The following IL1RAPL2 variants were observed in gnomAD, a reference collection of about 807,000 sequenced individuals.
The protein encoded by IL1RAPL2 is X-linked interleukin-1 receptor accessory protein-like 2.
A neutral mutation model predicts 44.1 loss-of-function variants in IL1RAPL2; 3 were observed. The observed-to-expected ratio is 0.07, with a 90% CI of 0.03 to 0.18. IL1RAPL2 has a LOEUF of 0.18. IL1RAPL2 is among the 10% of genes least tolerant of loss of function. IL1RAPL2 has a pLI of 1.00. For missense variants in IL1RAPL2, 391 were observed against 496.4 expected (o/e 0.79, Z 2.02); for synonymous variants, 181 against 178.8 (o/e 1.01, Z -0.10).
chrX:105,424,579 A>G (rs769591010), intron 5 of IL1RAPL2, among the ~76,000 whole-genome samples: 60 of 109,061 alleles, frequency 5.5e-4, no homozygotes, highest in Admixed American at 1.1e-3. Flanking sequence ...GAGGACGTAC[A>G]TTGAATCTGG....
intron 2 of IL1RAPL2, among the ~76,000 whole-genome samples, chrX:104,744,759 TTATC>T (rs2147579974): frequency 9.0e-6 from 1 of 111,324 alleles, no homozygotes; most frequent in East Asian, 2.8e-4. Context: ...TTTGATTTCT[TTATC>T]TAGATTTTAT....
chrX:105,402,709 C>T (rs2035614856), intron 5 of IL1RAPL2, among the ~76,000 whole-genome samples: 1 of 111,192 alleles, frequency 9.0e-6, no homozygotes. Flanking sequence ...CATTAGGGTG[C>T]GTTAAAAATA....
chrX:105,551,311 CA>C (rs955958948), intron 6 of IL1RAPL2, among the ~76,000 whole-genome samples: 3 of 104,330 alleles, frequency 2.9e-5, no homozygotes, highest in African/African-American at 6.9e-5. Flanking sequence ...ACAACAACAA[CA>C]AAAAAAACAC....
At chrX:104,631,561 GT>G (rs1423589749) in intron 1 of IL1RAPL2, among the ~76,000 whole-genome samples, 67 of 111,729 alleles carry the variant, frequency 6.0e-4, no homozygotes, top group African/African-American at 2.1e-3. Flanking sequence ...TCTCATTGTG[GT>G]TTTGATTTAC....
intron 6 of IL1RAPL2, among the ~76,000 whole-genome samples, chrX:105,540,789 A>G (rs55830405): frequency 3.2e-5 from 2 of 61,769 alleles, no homozygotes; most frequent in African/African-American, 6.1e-5. Context: ...ATATATATAT[A>G]ATATAAATAT....
intron 5 of IL1RAPL2, among the ~76,000 whole-genome samples, chrX:105,340,871 G>T (rs1172287147): frequency 8.9e-6 from 1 of 111,838 alleles, no homozygotes; most frequent in African/African-American, 3.2e-5. Flanking sequence ...ACTGTTTATT[G>T]TCTGTCTTCC....
At chrX:104,841,644 A>G (rs1317337266) in intron 2 of IL1RAPL2, among the ~76,000 whole-genome samples, 8 of 111,334 alleles carry the variant, frequency 7.2e-5, no homozygotes, top group Non-Finnish European at 1.5e-4. Flanking sequence ...TCCTTCCCTT[A>G]TGAAGCTTAG....
In IL1RAPL2 at chrX:104,624,680, T is replaced by C. The variant is rs775741751; in HGVS notation, c.-19-34215T>C. Among the ~76,000 whole-genome samples, 3 of 112,129 alleles carry C rather than the reference T, an allele frequency of 2.7e-5. No individual in the cohort carries two copies. In the East Asian group the frequency reaches 8.4e-4, roughly 31 times the overall value. On this transcript the variant is annotated intron_variant, in intron 1 of 10. Transcript: ENST00000372582. Reference sequence around the variant, plus strand: ...TTCCAGAATTTATCTTACAAAAATATTTGTGTATGAACATTACATATACAT... The same window carrying C: ...TTCCAGAATTTATCTTACAAAAATACTTGTGTATGAACATTACATATACAT...
At position 105,467,542 on chromosome X, in the gene IL1RAPL2, G is replaced by A. The variant is rs750441508; in HGVS notation, c.698-16771G>A. Reference sequence around the variant, plus strand: ...TGCTTATAGTTGTTCAAACATACACGTATTGATTCTCTCAAGCAAAAAGAA... The same window carrying A: ...TGCTTATAGTTGTTCAAACATACACATATTGATTCTCTCAAGCAAAAAGAA... On this transcript the variant is annotated intron_variant, in intron 5 of 10. Coordinates refer to ENST00000372582, the MANE Select transcript of IL1RAPL2 (RefSeq NM_017416.2). Among the ~76,000 whole-genome samples the A allele has an allele frequency of 8.1e-5, 9 of 111,630 alleles. No individual in the cohort carries two copies. The South Asian group carries it at 2.6e-3, about 32-fold the overall frequency.
At chrX:105,307,038 G>T (rs192970754) in intron 5 of IL1RAPL2, among the ~76,000 whole-genome samples, 1 of 110,060 alleles carries the variant, frequency 9.1e-6, no homozygotes, top group East Asian at 2.9e-4. Context: ...GAGAGAGAGG[G>T]TGAGCGCGAG....
chrX:105,181,846 C>T (rs181688330), intron 2 of IL1RAPL2, among the ~76,000 whole-genome samples: 2 of 109,973 alleles, frequency 1.8e-5, no homozygotes, highest in African/African-American at 3.3e-5. Flanking sequence ...AGGTGGATCA[C>T]GAGGTCAGGA....
chrX:104,887,656 G>A (rs1356938831), intron 2 of IL1RAPL2, among the ~76,000 whole-genome samples: 1 of 111,767 alleles, frequency 8.9e-6, no homozygotes, highest in Non-Finnish European at 1.9e-5. Flanking sequence ...TACTTGTGTG[G>A]CCCTCAACCC....
chrX:105,545,593 A>AT (rs1208047137), intron 6 of IL1RAPL2, among the ~76,000 whole-genome samples: 7 of 111,510 alleles, frequency 6.3e-5, no homozygotes, highest in Non-Finnish European at 1.3e-4. Context: ...CTGTTGGCTA[A>AT]TTTTTTTCTT....
chrX:105,016,227 G>T (rs2031172470), intron 2 of IL1RAPL2, among the ~76,000 whole-genome samples: 1 of 111,545 alleles, frequency 9.0e-6, no homozygotes, highest in South Asian at 3.8e-4. Context: ...AGACAATGGG[G>T]TTTTCTAAAT....
intron 6 of IL1RAPL2, among the ~76,000 whole-genome samples, chrX:105,531,464 G>A (rs752676773): frequency 2.7e-5 from 3 of 111,730 alleles, no homozygotes; most frequent in African/African-American, 9.7e-5. Flanking sequence ...TCCCTTGCCA[G>A]ATGGGTAGCA....
At chrX:105,109,915 A>G (rs931262119) in intron 2 of IL1RAPL2, among the ~76,000 whole-genome samples, 6 of 112,333 alleles carry the variant, frequency 5.3e-5, no homozygotes, top group Admixed American at 1.9e-4. Flanking sequence ...CACTTATTTC[A>G]TGCAACTGCT....
At chrX:105,076,462 A>T (rs952893549) in intron 2 of IL1RAPL2, among the ~76,000 whole-genome samples, 1 of 111,670 alleles carries the variant, frequency 9.0e-6, no homozygotes, top group Non-Finnish European at 1.9e-5. Context: ...TTTACATCCA[A>T]CTATGTGTTC....
At chrX:105,290,071 TTGACAGGATCTTGATC>T (rs974468677) in intron 5 of IL1RAPL2, among the ~76,000 whole-genome samples, 1 of 111,558 alleles carries the variant, frequency 9.0e-6, no homozygotes, top group African/African-American at 3.3e-5. Context: ...TAGTTGCTAA[TTGACAGGATCTTGATC>T]TGACAGGATC....
intron 7 of IL1RAPL2, among the ~76,000 whole-genome samples, chrX:105,723,331 T>C (rs1393575258): frequency 4.5e-5 from 5 of 111,711 alleles, no homozygotes; most frequent in African/African-American, 1.6e-4. Context: ...CATATTTCTA[T>C]CAATATTCTG....
Sources: gnomAD v4.1 joint callset for allele counts (sites outside exome capture counted in the v4.1 genomes callset) on GRCh38, gnomAD v4.1.1 for gene constraint, MANE v1.5 for transcripts, NCBI Gene and HGNC (gene_info 2026-07-23, HGNC 2026-07-21) for gene names.